The following RBFOX1 variants were observed in gnomAD, a reference collection of about 807,000 sequenced individuals.
The protein encoded by RBFOX1 is RNA binding protein fox-1 homolog 1.
RBFOX1 carries 8 observed loss-of-function variants against 57.7 expected under a neutral mutation model. The observed-to-expected ratio is 0.14, with a 90% CI of 0.08 to 0.25. The LOEUF (loss-of-function observed/expected upper bound fraction) is 0.25, where lower values mean the gene tolerates loss of function less well. RBFOX1 is among the 10% of genes least tolerant of loss of function. The pLI is 1.00. For missense variants in RBFOX1, 611 were observed against 548.5 expected (o/e 1.11, Z -1.14); for synonymous variants, 326 against 222.4 (o/e 1.47, Z -4.15).
At chr16:7,051,159 G>C (rs1002443144) in intron 3 of RBFOX1, among the ~76,000 whole-genome samples, 1 of 152,186 alleles carries the variant, frequency 6.6e-6, no homozygotes, top group Admixed American at 6.6e-5. Flanking sequence ...GAATAAAGGT[G>C]AATGAAGACC....
chr16:7,704,938 T>G (rs2148376726), intron 14 of RBFOX1, among the ~76,000 whole-genome samples: 1 of 150,658 alleles, frequency 6.6e-6, no homozygotes, highest in Non-Finnish European at 1.5e-5. Context: ...TCCCAGCAAC[T>G]GGGGAGGCTG....
At chr16:6,479,231 A>G (rs980082538) in intron 2 of RBFOX1, among the ~76,000 whole-genome samples, 2 of 152,216 alleles carry the variant, frequency 1.3e-5, no homozygotes, top group East Asian at 1.9e-4. Flanking sequence ...ACAGTTCTGG[A>G]GGCCTCAGGA....
chr16:6,800,236 C>G (rs368097139), intron 3 of RBFOX1, among the ~76,000 whole-genome samples: 1 of 145,842 alleles, frequency 6.9e-6, no homozygotes, highest in East Asian at 1.9e-4. Context: ...TCTGTTTGCC[C>G]AAGACTGTCC....
chr16:6,242,554 G>A (rs1004210880), intron 1 of RBFOX1, among the ~76,000 whole-genome samples: 2 of 150,818 alleles, frequency 1.3e-5, no homozygotes, highest in South Asian at 4.2e-4. Flanking sequence ...TTTACTGTAT[G>A]AGTCCATCAT....
chr16:7,075,950 A>G (rs115992655), intron 4 of RBFOX1, among the ~76,000 whole-genome samples: 1,538 of 152,104 alleles, frequency 0.01, 30 homozygotes, highest in African/African-American at 0.035. Context: ...AATGAGGCAT[A>G]CTACACTTTG....
intron 4 of RBFOX1, among the ~76,000 whole-genome samples, chr16:7,370,432 C>T (rs1000605969): frequency 2.6e-5 from 4 of 152,148 alleles, no homozygotes; most frequent in Non-Finnish European, 5.9e-5. Flanking sequence ...TTATATCTGC[C>T]AGGAATCACT....
At chr16:5,250,158 A>G (rs2062414347) in intron 1 of RBFOX1, among the ~76,000 whole-genome samples, 1 of 152,036 alleles carries the variant, frequency 6.6e-6, no homozygotes, top group South Asian at 2.1e-4. Context: ...AAGAATTTAT[A>G]TAGAAAACAA....
intron 1 of RBFOX1, among the ~76,000 whole-genome samples, chr16:6,256,431 C>G (rs368491042): frequency 6.6e-6 from 1 of 150,878 alleles, no homozygotes; most frequent in Non-Finnish European, 1.5e-5. Context: ...CCTGACCCTT[C>G]GAGAGCAGAG....
chr16:6,105,904 A>G (rs2096372585), intron 1 of RBFOX1, among the ~76,000 whole-genome samples: 1 of 152,114 alleles, frequency 6.6e-6, no homozygotes, highest in African/African-American at 2.4e-5. Context: ...TATTCTTCAA[A>G]AAGATAAACT....
chr16:7,270,104 T>G, intron 4 of RBFOX1, among the ~76,000 whole-genome samples: 1 of 152,200 alleles, frequency 6.6e-6, no homozygotes. Context: ...ATTGAGAAGC[T>G]AATACTTCTC....
At chr16:5,830,603 G>T (rs1368682682) in intron 3 of RBFOX1, among the ~76,000 whole-genome samples, 1 of 152,160 alleles carries the variant, frequency 6.6e-6, no homozygotes, top group African/African-American at 2.4e-5. Flanking sequence ...GATGTGATCT[G>T]GGAGGTGAGA....
intron 5 of RBFOX1, among the ~76,000 whole-genome samples, chr16:7,563,598 G>C (rs2090961667): frequency 6.6e-6 from 1 of 152,046 alleles, no homozygotes; most frequent in Admixed American, 6.6e-5. Flanking sequence ...CTCCATAGCA[G>C]CTGGGACTAC....
intron 3 of RBFOX1, among the ~76,000 whole-genome samples, chr16:6,930,170 C>G (rs2076274006): frequency 1.3e-5 from 2 of 152,286 alleles, no homozygotes; most frequent in Admixed American, 1.3e-4. Context: ...GAGATATTAT[C>G]CCATCTTTGA....
At chr16:7,433,246 A>G (rs1430101898) in intron 4 of RBFOX1, among the ~76,000 whole-genome samples, 2 of 152,164 alleles carry the variant, frequency 1.3e-5, no homozygotes, top group South Asian at 2.1e-4. Context: ...TCTAGTAAAA[A>G]CACATAGTGG....
chr16:5,739,394 G>A (rs1165573679), intron 3 of RBFOX1, among the ~76,000 whole-genome samples: 2 of 152,222 alleles, frequency 1.3e-5, no homozygotes, highest in African/African-American at 4.8e-5. Context: ...AAGAATCTGT[G>A]CCATTGTGGC....
chr16:5,336,656 G>C (rs1412860434), intron 1 of RBFOX1, among the ~76,000 whole-genome samples: 3 of 152,186 alleles, frequency 2.0e-5, no homozygotes, highest in Admixed American at 6.5e-5. Flanking sequence ...GAGATAGGTA[G>C]TGATGACCCA....
In RBFOX1 at chr16:5,408,577, G is replaced by T. The variant is rs74007405; in HGVS notation, c.220-58639G>T. 7.1e-3 allele frequency among the ~76,000 whole-genome samples: 1,080 copies of T among 152,252 alleles called. 15 individuals carry two copies. The highest frequency in any genetic ancestry group is 0.025 in the African/African-American group (1,023 of 41,530). ...TGGCAGCGACAGTGCTTCCTGCTTCGGGTGTGTGGCTGCTGTATTAGGCCG... is the reference window on the plus strand; with the variant it reads ...TGGCAGCGACAGTGCTTCCTGCTTCTGGTGTGTGGCTGCTGTATTAGGCCG... On this transcript the variant is annotated intron_variant, in intron 1 of 2. Coordinates refer to the RBFOX1 transcript ENST00000585867.
intron 3 of RBFOX1, among the ~76,000 whole-genome samples, chr16:6,682,647 A>G (rs894623065): frequency 2.0e-5 from 3 of 151,960 alleles, no homozygotes; most frequent in Non-Finnish European, 4.4e-5. Context: ...TCCTTCTCCC[A>G]TTGAGACAAC....
At chr16:6,920,828 TG>T (rs2074299096) in intron 3 of RBFOX1, among the ~76,000 whole-genome samples, 1 of 152,114 alleles carries the variant, frequency 6.6e-6, no homozygotes, top group South Asian at 2.1e-4. Flanking sequence ...GATTCCATCT[TG>T]AGATCCTTAA....
Sources: gnomAD v4.1 joint callset for allele counts (sites outside exome capture counted in the v4.1 genomes callset) on GRCh38, gnomAD v4.1.1 for gene constraint, MANE v1.5 for transcripts, NCBI Gene and HGNC (gene_info 2026-07-23, HGNC 2026-07-21) for gene names.